The following CEP128 variants were observed in gnomAD, a reference collection of about 807,000 sequenced individuals.
The protein encoded by CEP128 is centrosomal protein 128.
CEP128 carries 132 observed loss-of-function variants against 156.7 expected under a neutral mutation model. That is an observed-to-expected ratio of 0.84 (90% CI 0.73 to 0.97). The LOEUF (loss-of-function observed/expected upper bound fraction) is 0.97, where lower values mean the gene tolerates loss of function less well. Among genes scored for constraint, CEP128 ranks in the 50% least tolerant of loss-of-function variants. The pLI, the probability that CEP128 is intolerant of heterozygous loss-of-function variation, is 0.00. For synonymous variants in CEP128, 469 were observed against 448.9 expected (o/e 1.04, Z -0.57); for missense variants, 1,252 against 1,281.9 (o/e 0.98, Z 0.36).
Position 80,770,543 on chromosome 14 carries a change from G to A in CEP128, c.2376+7339C>T, listed in dbSNP as rs79261202. Among the ~76,000 whole-genome samples the A allele has an allele frequency of 3.9e-3, 587 of 152,192 alleles. 6 individuals are homozygous for A. The highest frequency in any genetic ancestry group is 0.014 in the African/African-American group (566 of 41,516). Reference sequence around the variant, plus strand: ...AGTCAAGGAGTACTCTGGGCTTAATGGTTACATGTGATTCAATTAAACATA... The same window carrying A: ...AGTCAAGGAGTACTCTGGGCTTAATAGTTACATGTGATTCAATTAAACATA... On this transcript the variant is annotated intron_variant, in intron 16 of 24. Transcript: ENST00000555265.
At chr14:80,691,903 T>G (rs141760890) in intron 19 of CEP128, among the ~76,000 whole-genome samples, 231 of 152,308 alleles carry the variant, frequency 1.5e-3, no homozygotes, top group African/African-American at 5.3e-3. Context: ...TCAGGGAATA[T>G]CATCCAAAAT....
chr14:80,521,685 T>C (rs1442805916), intron 23 of CEP128, among the ~76,000 whole-genome samples: 1 of 152,232 alleles, frequency 6.6e-6, no homozygotes, highest in African/African-American at 2.4e-5. Context: ...AAATAGCAAT[T>C]AAATTTTTGT....
intron 19 of CEP128, among the ~76,000 whole-genome samples, chr14:80,654,946 CA>C (rs1671963594): frequency 6.6e-6 from 1 of 152,152 alleles, no homozygotes; most frequent in South Asian, 2.1e-4. Flanking sequence ...TATAAACAAT[CA>C]TGCACCTGAC....
chr14:80,527,005 G>T lies in CEP128; in HGVS notation c.2959-23C>A, dbSNP rs753592791. ...ATCCTGGAAAAAAAAAAAAGCAAAG[G>T]GTCTGAACTGGTAGATGAAAGAAAA... On this transcript the variant is annotated intron_variant, in intron 22 of 24. Coordinates refer to ENST00000555265, the MANE Select transcript of CEP128 (RefSeq NM_152446.5). 4.7e-6 allele frequency: 5 copies of T among 1,055,770 alleles called. No individual in the cohort carries two copies. In the African/African-American group the frequency reaches 7.9e-5, roughly 17 times the overall value. The allele number at this position is 1,055,770 out of a possible 1,614,324, so 65.4% of individuals were successfully genotyped here. A position where few individuals can be genotyped will look rare whatever the true frequency, so the allele number is the denominator to read the frequency against.
chr14:80,695,640 C>T (rs911078806), intron 19 of CEP128, among the ~76,000 whole-genome samples: 1 of 151,364 alleles, frequency 6.6e-6, no homozygotes, highest in African/African-American at 2.4e-5. Flanking sequence ...TCGCTTGAAC[C>T]CGGGAGGCAG....
intron 19 of CEP128, among the ~76,000 whole-genome samples, chr14:80,629,356 G>A (rs1016570629): frequency 6.6e-6 from 1 of 152,096 alleles, no homozygotes; most frequent in Non-Finnish European, 1.5e-5. Context: ...TCTAGCAGGT[G>A]AACACTTGAT....
Position 80,792,951 on chromosome 14 carries a change from G to A in CEP128, c.1369C>T (p.Gln457Ter). ...AGCTCACTGAGGTACCGCTCAGCCT[G>A]CTTGGTTGCATCCTCCGCATGGCGA... ...LTRHAEDATK[Q>*]AERYLSELQQ... Residue 457 changes from glutamine (Q) to a stop codon, truncating the protein, a stop_gained, in exon 14 of 25, where the codon CAG (glutamine) becomes TAG (stop). Coordinates refer to ENST00000555265, the MANE Select transcript of CEP128 (RefSeq NM_152446.5). LOFTEE classifies it high-confidence loss of function. 5.0e-6 allele frequency: 8 copies of A among 1,614,158 alleles called. No homozygotes were observed. The highest frequency in any genetic ancestry group is 6.8e-6 in the Non-Finnish European group (8 of 1,180,032).
At chr14:80,939,885 T>C (rs770263961) in intron 1 of CEP128, among the ~76,000 whole-genome samples, 3 of 152,198 alleles carry the variant, frequency 2.0e-5, no homozygotes, top group African/African-American at 7.2e-5. Context: ...ACAGTTAACA[T>C]GTTACTGCTG....
chr14:80,589,846 T>C (rs576169697), intron 19 of CEP128, among the ~76,000 whole-genome samples: 93 of 152,114 alleles, frequency 6.1e-4, no homozygotes, highest in Non-Finnish European at 1.2e-3. Flanking sequence ...ACAACATCTA[T>C]AAGAAACTAG....
At chr14:80,503,478 C>G (rs1204178499) in intron 24 of CEP128, among the ~76,000 whole-genome samples, 7 of 152,130 alleles carry the variant, frequency 4.6e-5, no homozygotes, top group Admixed American at 3.9e-4. Context: ...TAACCACTTC[C>G]CTCTAGGTGC....
At chr14:80,867,433 T>C (rs1346350341) in intron 8 of CEP128, among the ~76,000 whole-genome samples, 1 of 152,132 alleles carries the variant, frequency 6.6e-6, no homozygotes, top group Non-Finnish European at 1.5e-5. Context: ...GCTGAAACCA[T>C]AGAGAGCAAA....
intron 19 of CEP128, among the ~76,000 whole-genome samples, chr14:80,617,768 C>A (rs2140633538): frequency 6.6e-6 from 1 of 152,080 alleles, no homozygotes; most frequent in African/African-American, 2.4e-5. Flanking sequence ...ATGGTGAGAC[C>A]CGCCTGGGCA....
chr14:80,687,122 T>A (rs1240745717), intron 19 of CEP128, among the ~76,000 whole-genome samples: 1 of 152,104 alleles, frequency 6.6e-6, no homozygotes, highest in East Asian at 1.9e-4. Context: ...AGAATAAAAG[T>A]TCTTCTCAGT....
chr14:80,713,301 T>G lies in CEP128; in HGVS notation c.2806+29774A>C, dbSNP rs73336590. On this transcript the variant is annotated intron_variant, in intron 19 of 24. Coordinates refer to ENST00000555265, the MANE Select transcript of CEP128 (RefSeq NM_152446.5). ...TTTCTCATTCTTCCTCTCCTGCTTCTAATTTGTTGAAATATACTACGACTT... is the reference window on the plus strand; with the variant it reads ...TTTCTCATTCTTCCTCTCCTGCTTCGAATTTGTTGAAATATACTACGACTT... 5.6e-3 allele frequency among the ~76,000 whole-genome samples: 857 copies of G among 152,310 alleles called. 4 individuals are homozygous for G. The highest frequency in any genetic ancestry group is 0.019 in the African/African-American group (775 of 41,572).
chr14:80,609,222 T>C (rs1049830037), intron 19 of CEP128, among the ~76,000 whole-genome samples: 14 of 152,180 alleles, frequency 9.2e-5, no homozygotes, highest in African/African-American at 2.9e-4. Context: ...GTAAAAGCAT[T>C]TGGATAAGTA....
intron 23 of CEP128, among the ~76,000 whole-genome samples, chr14:80,525,587 GGACTT>G (rs1888938033): frequency 6.6e-6 from 1 of 152,122 alleles, no homozygotes; most frequent in African/African-American, 2.4e-5. Context: ...TGAGTTTGTA[GGACTT>G]GACTGGGAAT....
At chr14:80,519,915 G>A (rs1888659051) in intron 23 of CEP128, among the ~76,000 whole-genome samples, 1 of 152,166 alleles carries the variant, frequency 6.6e-6, no homozygotes, top group Admixed American at 6.5e-5. Flanking sequence ...TGTGGTGGAA[G>A]CTGGGAAACA....
upstream of CEP128, among the ~76,000 whole-genome samples, chr14:80,945,225 G>C (rs548316822): frequency 6.6e-6 from 1 of 152,100 alleles, no homozygotes; most frequent in African/African-American, 2.4e-5. Context: ...TTCCCTGTAT[G>C]AGCACATACA....
At chr14:80,507,852 A>C (rs561711348) in intron 23 of CEP128, among the ~76,000 whole-genome samples, 1 of 152,372 alleles carries the variant, frequency 6.6e-6, no homozygotes, top group Admixed American at 6.5e-5. Context: ...TTTCTAAAAA[A>C]AAGTCAACTG....
Sources: gnomAD v4.1 joint callset for allele counts (sites outside exome capture counted in the v4.1 genomes callset) on GRCh38, gnomAD v4.1.1 for gene constraint, MANE v1.5 for transcripts, NCBI Gene and HGNC (gene_info 2026-07-23, HGNC 2026-07-21) for gene names.